Variants in SLC39A3 observed in about 807,000 individuals in gnomAD.
SLC39A3 encodes the protein solute carrier family 39 member 3, also known as zinc transporter ZIP3.
Under a neutral mutation model 5.1 loss-of-function variants are expected in SLC39A3, and 3 were observed. The observed-to-expected ratio is 0.59, with a 90% CI of 0.27 to 1.54. The LOEUF (loss-of-function observed/expected upper bound fraction) is 1.54. SLC39A3 is among the 40% of genes most tolerant of loss of function. The pLI, the probability that SLC39A3 is intolerant of heterozygous loss-of-function variation, is 0.12. For missense variants in SLC39A3, 412 were observed against 436.4 expected (o/e 0.94, Z 0.50); for synonymous variants, 250 against 218.8 (o/e 1.14, Z -1.26).
In SLC39A3 at chr19:2,737,085, G is replaced by A. The variant is rs554809097; in HGVS notation, c.173C>T (p.Thr58Met). ...AGCGGGCAGCAGAGCGTTGAAGCACGTGGCCAGAAACACCCCTCCTCCAAA... is the reference window on the plus strand; with the variant it reads ...AGCGGGCAGCAGAGCGTTGAAGCACATGGCCAGAAACACCCCTCCTCCAAA... ...NTFGGGVFLA[T>M]CFNALLPAVR... is the part of the protein sequence containing the mutation. The change falls in exon 2 of 3, where the codon ACG (threonine) becomes ATG (methionine). Residue 58 changes from threonine to methionine, a missense_variant. Physicochemically the swap from Thr to Met is moderately conservative, Grantham distance 81. Transcript: ENST00000269740. 18 of 1,614,184 alleles carry A rather than the reference G, an allele frequency of 1.1e-5. No individual in the cohort carries two copies. Among genetic ancestry groups the A allele is most frequent in the African/African-American group, 2.7e-5 (2 of 75,022 alleles).
chr19:2,737,411 CTTTCT>C, intron 1 of SLC39A3, 32 bp from the exon 2 acceptor site: 17 of 1,314,516 alleles, frequency 1.3e-5, no homozygotes, highest in Non-Finnish European at 1.5e-5. Context: ...CATTAGCTTT[CTTTCT>C]TTTTTCTTTT....
At position 2,733,819 on chromosome 19, in the gene SLC39A3, T is replaced by C. The variant is rs550922724; in HGVS notation, c.211-334A>G. On this transcript the variant is annotated intron_variant, in intron 2 of 2. Transcript: ENST00000269740. This position sits in a 1 kb window ranked among gnomAD's most constrained non-coding sequence, Gnocchi z 6.1. ...AGCTGGGCATGGTGGCGAGCACCTGTAATCCCAGCTACTCAGGAGGCTGAG... is the reference window on the plus strand; with the variant it reads ...AGCTGGGCATGGTGGCGAGCACCTGCAATCCCAGCTACTCAGGAGGCTGAG... Among the ~76,000 whole-genome samples the C allele has an allele frequency of 6.6e-6, 1 of 152,096 alleles. No individual in the cohort carries two copies.
Position 2,733,037 on chromosome 19 carries a change from G to A in SLC39A3, c.659C>T (p.Ala220Val). The change falls in exon 3 of 3, where the codon GCC becomes GTC. Residue 220 changes from alanine (A) to valine (V), a missense_variant. Transcript: ENST00000269740. The surrounding 1 kb of genome is among the most constrained non-coding windows in gnomAD (Gnocchi z 6.1). Reference protein sequence around the residue: ...LVAVALGISMARSAMPLRDAA... With the variant: ...LVAVALGISMVRSAMPLRDAA... ...GTCCCGCAGGGGCATGGCACTCCGG[G>A]CCATGCTGATGCCCAGGGCCACGGC... 1.2e-6 allele frequency: 2 copies of A among 1,608,950 alleles called. No homozygotes were observed. Among genetic ancestry groups the A allele is most frequent in the Non-Finnish European group, 8.5e-7 (1 of 1,178,120 alleles).
intron 1 of SLC39A3, among the ~76,000 whole-genome samples, chr19:2,738,739 C>G (rs11881482): frequency 2.2e-4 from 33 of 152,162 alleles, no homozygotes; most frequent in African/African-American, 7.7e-4. Context: ...GAGTTCAAGA[C>G]CAGCCTGGCC....
chr19:2,738,314 G>A (rs1424683097), intron 1 of SLC39A3, among the ~76,000 whole-genome samples: 2 of 151,748 alleles, frequency 1.3e-5, no homozygotes, highest in Non-Finnish European at 2.9e-5. Context: ...TGTGGTTACC[G>A]TATTTGACAG....
At position 2,735,060 on chromosome 19, in the gene SLC39A3, A is replaced by C. The variant is rs1459213614; in HGVS notation, c.211-1575T>G. On this transcript the variant is annotated intron_variant, in intron 2 of 2. Coordinates refer to ENST00000269740, the MANE Select transcript of SLC39A3 (RefSeq NM_144564.5). This position sits in a 1 kb window ranked among gnomAD's most constrained non-coding sequence, Gnocchi z 5.7. ...CGGCGGGAAAGGTTTGGGTGCCATG[A>C]GAAGGCCACTGTGATGAGGGGGAGG... is the stretch of plus-strand genomic sequence containing the variant. 24 of 985,250 alleles carry C rather than the reference A, an allele frequency of 2.4e-5. No individual in the cohort carries two copies. The highest frequency in any genetic ancestry group is 2.9e-5 in the Non-Finnish European group (24 of 829,980). 61.0% of individuals were successfully genotyped at this position (985,250 alleles called of 1,614,324 possible).
In SLC39A3 at chr19:2,734,226, CCCA is replaced by C. The variant is rs1451453831; in HGVS notation, c.211-744_211-742del. 6.6e-6 allele frequency among the ~76,000 whole-genome samples: 1 copy of C among 152,242 alleles called. No individual in the cohort carries two copies. The highest frequency in any genetic ancestry group is 2.4e-5 in the African/African-American group (1 of 41,462). ...TCTCATGAAAGGCAGGCTGTAAACGCCCACAACAGCTCCCTGGAGCCTCGTCAC... is the reference window on the plus strand; with the variant it reads ...TCTCATGAAAGGCAGGCTGTAAACGCCAACAGCTCCCTGGAGCCTCGTCAC... On this transcript the variant is annotated intron_variant, in intron 2 of 2. Coordinates refer to ENST00000269740, the MANE Select transcript of SLC39A3 (RefSeq NM_144564.5). The surrounding 1 kb of genome is among the most constrained non-coding windows in gnomAD (Gnocchi z 4.6).
Position 2,735,987 on chromosome 19 carries a change from C to T in SLC39A3, c.210+1061G>A, listed in dbSNP as rs1314229666. The stretch of plus-strand genomic sequence containing the variant: ...GAACAGGGGGTCCTCATATCTCCAC[C>T]AAGTATGTAACCAACACAAATTCAA... On this transcript the variant is annotated intron_variant, in intron 2 of 2. Coordinates refer to ENST00000269740, the MANE Select transcript of SLC39A3 (RefSeq NM_144564.5). The surrounding 1 kb of genome is among the most constrained non-coding windows in gnomAD (Gnocchi z 5.7). 1 of 985,418 alleles carries T rather than the reference C, an allele frequency of 1.0e-6. No individual in the cohort carries two copies. Among genetic ancestry groups the T allele is most frequent in the Non-Finnish European group, 1.2e-6 (1 of 829,940 alleles). 61.0% of individuals were successfully genotyped at this position (985,418 alleles called of 1,614,324 possible). A position where few individuals can be genotyped will look rare whatever the true frequency, so the allele number is the denominator to read the frequency against.
At position 2,733,279 on chromosome 19, in the gene SLC39A3, C is replaced by T. The variant is rs767429965; in HGVS notation, c.417G>A (p.Gly139=). Reference sequence around the variant, plus strand: ...CGTACAGCGCGTGGCCCCGCGCGCCCCCCATGAAGGGGCTCTCATACTCCG... The same window carrying T: ...CGTACAGCGCGTGGCCCCGCGCGCCTCCCATGAAGGGGCTCTCATACTCCG... ...SDSEYESPFM[G]GARGHALYVE... is the part of the protein sequence containing the mutation. The change falls in exon 3 of 3, where the codon GGG becomes GGA. Residue 139 remains glycine (G), a synonymous_variant. Coordinates refer to ENST00000269740, the MANE Select transcript of SLC39A3 (RefSeq NM_144564.5). This position sits in a 1 kb window ranked among gnomAD's most constrained non-coding sequence, Gnocchi z 6.1. 4.3e-6 allele frequency: 7 copies of T among 1,612,824 alleles called. No individual in the cohort carries two copies. The South Asian group carries it at 5.5e-5, about 13-fold the overall frequency.
chr19:2,733,530 G>C lies in SLC39A3; in HGVS notation c.211-45C>G. On this transcript the variant is annotated intron_variant, in intron 2 of 2. Coordinates refer to ENST00000269740, the MANE Select transcript of SLC39A3 (RefSeq NM_144564.5). This position sits in a 1 kb window ranked among gnomAD's most constrained non-coding sequence, Gnocchi z 6.1. ...AGAGAGAGAGAGAGACCCACGCTCA[G>C]GGGTGGCGGCGACAGGGCTGGCCAG... 6.4e-7 allele frequency: 1 copy of C among 1,561,736 alleles called. No individual in the cohort carries two copies. The highest frequency in any genetic ancestry group is 8.7e-7 in the Non-Finnish European group (1 of 1,155,252).
At position 2,734,916 on chromosome 19, in the gene SLC39A3, G is replaced by C. The variant is rs1914313146; in HGVS notation, c.211-1431C>G. 1 of 985,372 alleles carries C rather than the reference G, an allele frequency of 1.0e-6. No homozygotes were observed. The highest frequency in any genetic ancestry group is 1.2e-6 in the Non-Finnish European group (1 of 829,988). 61.0% of individuals were successfully genotyped at this position (985,372 alleles called of 1,614,324 possible). On this transcript the variant is annotated intron_variant, in intron 2 of 2. Transcript: ENST00000269740. The surrounding 1 kb of genome is among the most constrained non-coding windows in gnomAD (Gnocchi z 4.6). ...TCAGGAGAGATGAGGCAGATGCACG[G>C]GAGCTGTGAACCAGGCACCATTTTC...
chr19:2,739,141 C>T (rs1439648332), intron 1 of SLC39A3, among the ~76,000 whole-genome samples: 14 of 151,558 alleles, frequency 9.2e-5, no homozygotes, highest in African/African-American at 3.4e-4. Context: ...CCCTCTCTGC[C>T]CCTGGCTGAC....
chr19:2,736,635 G>A, intron 2 of SLC39A3: 1 of 949,176 alleles, frequency 1.1e-6, no homozygotes. Flanking sequence ...CCAGACCCCT[G>A]ACTCACAGAA....
chr19:2,738,143 G>A (rs1339541823), intron 1 of SLC39A3, among the ~76,000 whole-genome samples: 2 of 142,548 alleles, frequency 1.4e-5, no homozygotes, highest in African/African-American at 5.2e-5. Context: ...AGGTTGCAGT[G>A]AGCCAAGATG....
intron 1 of SLC39A3, 126 bp from the exon 2 acceptor site, chr19:2,737,505 T>C: frequency 7.1e-6 from 4 of 563,064 alleles, no homozygotes; most frequent in Non-Finnish European, 1.2e-5. Context: ...AACCTCCGCT[T>C]CCTGGATTCA....
chr19:2,736,844 C>G, intron 2 of SLC39A3: 3 of 1,472,054 alleles, frequency 2.0e-6, no homozygotes, highest in Non-Finnish European at 2.7e-6. Context: ...AATCCCAGGT[C>G]TGGTCCAAAC....
chr19:2,732,542 G>A lies in SLC39A3; in HGVS notation c.*209C>T. 1 of 1,428,818 alleles carries A rather than the reference G, an allele frequency of 7.0e-7. No homozygotes were observed. The highest frequency in any genetic ancestry group is 1.5e-5 in the South Asian group (1 of 66,064). The allele number at this position is 1,428,818 out of a possible 1,614,324, so 88.5% of individuals were successfully genotyped here. ...ACACAGCTTTGGTAAAGACTTTTAA[G>A]AGAAAGAAGTATTTTAAAAAGTAGC... On this transcript the variant is annotated 3_prime_UTR_variant, in exon 3 of 3. Coordinates refer to ENST00000269740, the MANE Select transcript of SLC39A3 (RefSeq NM_144564.5).
Position 2,733,288 on chromosome 19 carries a change from G to A in SLC39A3, c.408C>T (p.Pro136=). 3 of 1,612,886 alleles carry A rather than the reference G, an allele frequency of 1.9e-6. No individual in the cohort carries two copies. The highest frequency in any genetic ancestry group is 2.5e-6 in the Non-Finnish European group (3 of 1,179,986). Residue 136 remains proline, a synonymous_variant, in exon 3 of 3, where the codon CCC becomes CCT. Coordinates refer to ENST00000269740, the MANE Select transcript of SLC39A3 (RefSeq NM_144564.5). This position sits in a 1 kb window ranked among gnomAD's most constrained non-coding sequence, Gnocchi z 6.1. ...CGTGGCCCCGCGCGCCCCCCATGAA[G>A]GGGCTCTCATACTCCGAGTCGCTGC... ...DVGSDSEYES[P]FMGGARGHAL... is the part of the protein sequence containing the mutation.
Position 2,739,963 on chromosome 19 carries a change from C to T in SLC39A3, c.-141G>A, listed in dbSNP as rs1017099820. On this transcript the variant is annotated 5_prime_UTR_variant, in exon 1 of 3. Transcript: ENST00000269740. ...CACCTACCTCCCGGGGGCCCCTCGT[C>T]CGCCGACTGGCGCCGCTGCACGCCC... 6.6e-5 allele frequency: 10 copies of T among 152,356 alleles called. No individual in the cohort carries two copies. Among genetic ancestry groups the T allele is most frequent in the Non-Finnish European group, 1.3e-4 (9 of 68,232 alleles). 9.4% of individuals were successfully genotyped at this position (152,356 alleles called of 1,614,324 possible).
Sources: allele counts gnomAD v4.1 joint callset (sites outside exome capture counted in the v4.1 genomes callset), GRCh38; gene constraint gnomAD v4.1.1; non-coding constraint Gnocchi (gnomAD v3.1); transcripts MANE v1.5; gene names NCBI Gene and HGNC (gene_info 2026-07-23, HGNC 2026-07-21).